Variants in COL11A1 observed in about 807,000 individuals in gnomAD.
COL11A1 encodes collagen alpha-1(XI) chain.
In COL11A1, 74 loss-of-function variants were observed where a neutral mutation model predicts 265.2. That is an observed-to-expected ratio of 0.28 (90% CI 0.23 to 0.34). The LOEUF is 0.34. COL11A1 is among the 10% of genes least tolerant of loss of function. COL11A1 has a pLI of 1.00. For synonymous variants in COL11A1, 816 were observed against 727.6 expected (o/e 1.12, Z -1.96); for missense variants, 2,165 against 2,263.6 (o/e 0.96, Z 0.88).
chr1:103,068,724 A>C (rs966179838), intron 4 of COL11A1, among the ~76,000 whole-genome samples: 1 of 151,546 alleles, frequency 6.6e-6, no homozygotes, highest in African/African-American at 2.4e-5. Context: ...TAATAAATGA[A>C]TTTAACAAGG....
chr1:103,003,297 A>T, intron 20 of COL11A1, 29 bp from the exon 21 acceptor site: 1 of 1,601,238 alleles, frequency 6.2e-7, no homozygotes, highest in Non-Finnish European at 8.5e-7. Context: ...GCACGCCTTT[A>T]TTAAAAAAAA....
At chr1:102,906,083 C>T (rs1295806731) in intron 54 of COL11A1, among the ~76,000 whole-genome samples, 1 of 152,120 alleles carries the variant, frequency 6.6e-6, no homozygotes, top group Non-Finnish European at 1.5e-5. Flanking sequence ...TTATTCAATG[C>T]TTAATAATAA....
intron 28 of COL11A1, among the ~76,000 whole-genome samples, chr1:102,992,065 A>G (rs927447734): frequency 6.6e-6 from 1 of 152,026 alleles, no homozygotes; most frequent in Non-Finnish European, 1.5e-5. Flanking sequence ...TCACTTATAG[A>G]CTCTGACTAT....
chr1:102,890,308 A>G (rs1570640371), intron 58 of COL11A1, 143 bp downstream of exon 58: 1 of 701,608 alleles, frequency 1.4e-6, no homozygotes, highest in East Asian at 2.8e-5. Flanking sequence ...TACATCTGGG[A>G]AGCTAAGGAT....
At chr1:102,920,040 A>T (rs1208224072) in intron 49 of COL11A1, among the ~76,000 whole-genome samples, 1 of 152,106 alleles carries the variant, frequency 6.6e-6, no homozygotes, top group Non-Finnish European at 1.5e-5. Flanking sequence ...TTCTCAGCTT[A>T]TAAATGTGGA....
rs1553240902 is a variant in COL11A1, at chr1:103,031,257, A to AAAC, written c.652-14_652-13insGTT. 1.3e-4 allele frequency: 213 copies of AAAC among 1,601,022 alleles called. No homozygotes were observed. In the African/African-American group the frequency reaches 2.3e-3, roughly 17 times the overall value. On this transcript the variant is annotated splice_polypyrimidine_tract_variant and intron_variant, in intron 4 of 66. Transcript: ENST00000370096. ...GCTGAATGTCCCCCTGGGAAAAAAAAAAAAACAAAAACAAACAGACACAGA... is the reference window on the plus strand; with the variant it reads ...GCTGAATGTCCCCCTGGGAAAAAAAAAACAAAAACAAAAACAAACAGACACAGA...
At chr1:103,012,867 A>C (rs1405523421) in intron 13 of COL11A1, among the ~76,000 whole-genome samples, 3 of 152,166 alleles carry the variant, frequency 2.0e-5, no homozygotes, top group Non-Finnish European at 4.4e-5. Flanking sequence ...GCAATATTTT[A>C]GGAAAAATTA....
chr1:103,021,648 T>C (rs1032695107), intron 9 of COL11A1, 59 bp downstream of exon 9: 27 of 1,059,376 alleles, frequency 2.5e-5, no homozygotes, highest in Admixed American at 2.0e-4. Flanking sequence ...TAATTTAACA[T>C]AATCGTGGCT....
chr1:103,093,792 G>A (rs2102381890), intron 1 of COL11A1, among the ~76,000 whole-genome samples: 1 of 152,192 alleles, frequency 6.6e-6, no homozygotes, highest in East Asian at 1.9e-4. Context: ...TGAATTCAAT[G>A]ACAAAGGTGT....
At chr1:103,023,045 G>A (rs774527707) in intron 7 of COL11A1, 49 bp from the exon 8 acceptor site, 34 of 1,575,016 alleles carry the variant, frequency 2.2e-5, no homozygotes, top group Non-Finnish European at 2.7e-5. Context: ...TTTATTGTTA[G>A]TAAAGCAAGG....
intron 7 of COL11A1, among the ~76,000 whole-genome samples, chr1:103,023,311 T>A (rs1318471474): frequency 6.6e-6 from 1 of 152,106 alleles, no homozygotes; most frequent in African/African-American, 2.4e-5. Context: ...CTTCACAGTT[T>A]AAGATTTGAA....
chr1:103,015,497 T>C (rs1376895352), intron 12 of COL11A1, among the ~76,000 whole-genome samples, 171 bp downstream of exon 12: 1 of 152,102 alleles, frequency 6.6e-6, no homozygotes, highest in Non-Finnish European at 1.5e-5. Context: ...ATTGATACCA[T>C]AATTTTGTTT....
At chr1:102,952,553 T>C (rs1174708100) in intron 41 of COL11A1, among the ~76,000 whole-genome samples, 2 of 152,260 alleles carry the variant, frequency 1.3e-5, no homozygotes, top group Non-Finnish European at 2.9e-5. Flanking sequence ...AAAATATTGC[T>C]CATGATCTTG....
intron 12 of COL11A1, 89 bp from the exon 13 acceptor site, chr1:103,014,683 T>C (rs1465289101): frequency 9.4e-7 from 1 of 1,064,482 alleles, no homozygotes; most frequent in East Asian, 2.5e-5. Context: ...AAACCACTTA[T>C]TAAAATGGTG....
At chr1:102,951,472 CG>C (rs1659869909) in intron 41 of COL11A1, among the ~76,000 whole-genome samples, 1 of 152,032 alleles carries the variant, frequency 6.6e-6, no homozygotes, top group Non-Finnish European at 1.5e-5. Flanking sequence ...CCAAGGCGGG[CG>C]GATCACGAGG....
chr1:103,051,602 C>T (rs1669833928), intron 4 of COL11A1, among the ~76,000 whole-genome samples: 1 of 152,124 alleles, frequency 6.6e-6, no homozygotes, highest in Admixed American at 6.5e-5. Flanking sequence ...GTGCACTGCA[C>T]CCACTGTCCT....
intron 2 of COL11A1, among the ~76,000 whole-genome samples, chr1:103,081,995 G>A (rs1426509679): frequency 6.6e-6 from 1 of 151,938 alleles, no homozygotes; most frequent in African/African-American, 2.4e-5. Context: ...TGTATCAAAT[G>A]GAGGCAAGCA....
At position 102,877,972 on chromosome 1, in the gene COL11A1, C is replaced by T. The variant is rs1649695458; in HGVS notation, c.*47G>A. ...CATGTGGCACAAAATGGGTTGGTGG[C>T]ACCAAGGTATATTTTCTGTTGATTT... On this transcript the variant is annotated 3_prime_UTR_variant, in exon 67 of 67. Coordinates refer to ENST00000370096, the MANE Select transcript of COL11A1 (RefSeq NM_001854.4). 6.2e-7 allele frequency: 1 copy of T among 1,605,812 alleles called. No homozygotes were observed. The highest frequency in any genetic ancestry group is 8.5e-7 in the Non-Finnish European group (1 of 1,173,314).
intron 5 of COL11A1, among the ~76,000 whole-genome samples, chr1:103,026,641 T>C (rs1318514255): frequency 3.9e-5 from 6 of 152,188 alleles, no homozygotes; most frequent in African/African-American, 1.4e-4. Context: ...ATTATGTACT[T>C]GGACATAGAT....
Sources: allele counts gnomAD v4.1 joint callset (sites outside exome capture counted in the v4.1 genomes callset), GRCh38; gene constraint gnomAD v4.1.1; transcripts MANE v1.5; gene names NCBI Gene and HGNC (gene_info 2026-07-23, HGNC 2026-07-21).